The following SRPK2 variants were observed in gnomAD, a reference collection of about 807,000 sequenced individuals.
The protein encoded by SRPK2 is SFRS protein kinase 2.
SRPK2 carries 21 observed loss-of-function variants against 90.8 expected under a neutral mutation model. The observed-to-expected ratio is 0.23, with a 90% CI of 0.16 to 0.33. The LOEUF is 0.33. Among genes scored for constraint, SRPK2 ranks in the 10% least tolerant of loss-of-function variants. SRPK2 has a pLI of 1.00. For synonymous variants in SRPK2, 288 were observed against 311.1 expected, an observed-to-expected ratio of 0.93 and a Z score of 0.78; for missense variants, 620 against 869.0, an observed-to-expected ratio of 0.71 and a Z score of 3.60.
At chr7:105,364,405 G>GTGTTTTTTTT (rs1554523239) in intron 2 of SRPK2, among the ~76,000 whole-genome samples, 25 of 133,906 alleles carry the variant, frequency 1.9e-4, no homozygotes, top group African/African-American at 5.5e-5. Context: ...CGTGTGTAAC[G>GTGTTTTTTTT]TTTTTTTTTT....
rs770930973 is a variant in SRPK2, at chr7:105,142,215, T to A, written c.1336A>T (p.Asn446Tyr). The stretch of plus-strand genomic sequence containing the variant: ...TGTCGTCCATTTGGCAATTCACCAT[T>A]GAATTGTTCATAGGAGCTGCTATAT... ...YTYSSSYEQF[N>Y]GELPNGRHKI... The change falls in exon 11 of 16, where the codon AAT (asparagine) becomes TAT (tyrosine). Residue 446 changes from asparagine (N) to tyrosine (Y), a missense_variant. Transcript: ENST00000393651. 1 of 1,614,070 alleles carries A rather than the reference T, an allele frequency of 6.2e-7. No individual in the cohort carries two copies. The highest frequency in any genetic ancestry group is 1.7e-5 in the Admixed American group (1 of 60,014).
intron 2 of SRPK2, among the ~76,000 whole-genome samples, chr7:105,230,354 T>C (rs1470914691): frequency 3.3e-5 from 5 of 152,082 alleles, no homozygotes; most frequent in Non-Finnish European, 5.9e-5. Context: ...ATACGTCCAA[T>C]ATAATGAATG....
intron 2 of SRPK2, among the ~76,000 whole-genome samples, chr7:105,334,351 T>C (rs542545170): frequency 1.1e-3 from 175 of 152,314 alleles, no homozygotes; most frequent in Middle Eastern, 3.4e-3. Context: ...GTGCTGGGAT[T>C]ACAGGCGTGA....
Position 105,156,268 on chromosome 7 carries a change from G to A in SRPK2, c.621+4239C>T, listed in dbSNP as rs565987543. 2.6e-5 allele frequency among the ~76,000 whole-genome samples: 4 copies of A among 152,204 alleles called. No individual in the cohort carries two copies. In the South Asian group the frequency reaches 6.2e-4, roughly 24 times the overall value. ...CTTCACCACTTAGCACTTTTTAAGC[G>A]ACTTCCTAACTAGGGGCAAGTTACT... On this transcript the variant is annotated intron_variant, in intron 7 of 15. Transcript: ENST00000393651.
intron 6 of SRPK2, among the ~76,000 whole-genome samples, chr7:105,161,750 T>G (rs1807697029): frequency 2.0e-5 from 3 of 152,166 alleles, no homozygotes; most frequent in Non-Finnish European, 1.5e-5. Context: ...AAATAAAAAT[T>G]TAGTAAACAC....
intron 2 of SRPK2, among the ~76,000 whole-genome samples, chr7:105,236,125 T>A (rs539667999): frequency 6.6e-6 from 1 of 152,248 alleles, no homozygotes; most frequent in Admixed American, 6.5e-5. Flanking sequence ...TGGGGTAGGG[T>A]CTGAGAAGGT....
chr7:105,367,107 G>C (rs1414985988), intron 2 of SRPK2, among the ~76,000 whole-genome samples: 3 of 148,588 alleles, frequency 2.0e-5, no homozygotes, highest in South Asian at 4.3e-4. Flanking sequence ...GGATAGTCTC[G>C]AACTCCTGAG....
At chr7:105,398,101 T>C (rs1158574161) in intron 1 of SRPK2, among the ~76,000 whole-genome samples, 1 of 152,174 alleles carries the variant, frequency 6.6e-6, no homozygotes, top group East Asian at 1.9e-4. Flanking sequence ...TATATTTTGG[T>C]CTCCATAGCA....
chr7:105,224,825 T>C (rs1798519635), intron 2 of SRPK2, among the ~76,000 whole-genome samples: 1 of 152,178 alleles, frequency 6.6e-6, no homozygotes. Flanking sequence ...CAGTTAGTAT[T>C]CAAAGTGAAC....
chr7:105,282,819 A>T (rs1403143499), intron 2 of SRPK2, among the ~76,000 whole-genome samples: 3 of 152,066 alleles, frequency 2.0e-5, no homozygotes, highest in Non-Finnish European at 4.4e-5. Flanking sequence ...TTATAAAATA[A>T]AATAAAATGC....
At chr7:105,304,920 T>C (rs1810981085) in intron 2 of SRPK2, among the ~76,000 whole-genome samples, 1 of 152,112 alleles carries the variant, frequency 6.6e-6, no homozygotes, top group Non-Finnish European at 1.5e-5. Flanking sequence ...TTAGCCTAAA[T>C]AGAAGTCAAA....
intron 2 of SRPK2, among the ~76,000 whole-genome samples, chr7:105,324,790 G>A (rs1813374006): frequency 6.6e-6 from 1 of 152,170 alleles, no homozygotes; most frequent in Non-Finnish European, 1.5e-5. Context: ...GGGAAGCTGA[G>A]GCAGCAGAAT....
At chr7:105,266,536 G>C (rs1805104078) in intron 2 of SRPK2, among the ~76,000 whole-genome samples, 1 of 152,140 alleles carries the variant, frequency 6.6e-6, no homozygotes, top group African/African-American at 2.4e-5. Context: ...GCTAAAGAAA[G>C]AAGTCAGATT....
At chr7:105,170,980 A>G (rs577335829) in intron 3 of SRPK2, among the ~76,000 whole-genome samples, 5 of 139,610 alleles carry the variant, frequency 3.6e-5, no homozygotes, top group African/African-American at 1.1e-4. Context: ...AAAGAAAGAG[A>G]AAGAAAGAAA....
At chr7:105,247,961 T>A (rs1416625656) in intron 2 of SRPK2, among the ~76,000 whole-genome samples, 2 of 151,494 alleles carry the variant, frequency 1.3e-5, no homozygotes, top group Non-Finnish European at 2.9e-5. Flanking sequence ...TTCAAGCGAA[T>A]CTCCTGCCTC....
chr7:105,257,545 G>A (rs901324153), intron 2 of SRPK2, among the ~76,000 whole-genome samples: 1 of 152,218 alleles, frequency 6.6e-6, no homozygotes, highest in Non-Finnish European at 1.5e-5. Context: ...CTGGGTGTAT[G>A]AGAACAACTC....
chr7:105,345,630 T>C (rs1210364115), intron 2 of SRPK2, among the ~76,000 whole-genome samples: 3 of 152,130 alleles, frequency 2.0e-5, no homozygotes, highest in Non-Finnish European at 4.4e-5. Context: ...GATGAAAACT[T>C]CTCAAACTCG....
At chr7:105,177,807 G>A (rs1468845399) in intron 3 of SRPK2, among the ~76,000 whole-genome samples, 1 of 152,164 alleles carries the variant, frequency 6.6e-6, no homozygotes, top group East Asian at 1.9e-4. Context: ...CGGATCACAA[G>A]ATCAGGAGAT....
At chr7:105,247,515 AACACACACACACATAAACAC>A (rs1363006720) in intron 2 of SRPK2, among the ~76,000 whole-genome samples, 4 of 92,642 alleles carry the variant, frequency 4.3e-5, no homozygotes, top group South Asian at 7.4e-4. Flanking sequence ...CATACCAAAA[AACACACACACACATAAACAC>A]ACACACACAC....
Sources: gnomAD v4.1 joint callset for allele counts (sites outside exome capture counted in the v4.1 genomes callset) on GRCh38, gnomAD v4.1.1 for gene constraint, MANE v1.5 for transcripts, NCBI Gene and HGNC (gene_info 2026-07-23, HGNC 2026-07-21) for gene names.